Variants in CLNK observed in about 807,000 individuals in gnomAD.
CLNK encodes cytokine dependent hematopoietic cell linker, also known as cytokine-dependent hematopoietic cell linker.
In CLNK, 74 loss-of-function variants were observed where a neutral mutation model predicts 68.6. That is an observed-to-expected ratio of 1.08 (90% CI 0.89 to 1.31). The LOEUF (loss-of-function observed/expected upper bound fraction) is 1.31, where lower values mean the gene tolerates loss of function less well. CLNK is among the 50% of genes most tolerant of loss of function. The pLI is 0.00. For synonymous variants in CLNK, 198 were observed against 172.2 expected, an observed-to-expected ratio of 1.15 and a Z score of -1.17; for missense variants, 553 against 515.3, an observed-to-expected ratio of 1.07 and a Z score of -0.71.
At chr4:10,527,225 A>G (rs552952945) in intron 13 of CLNK, among the ~76,000 whole-genome samples, 1 of 152,294 alleles carries the variant, frequency 6.6e-6, no homozygotes, top group Admixed American at 6.5e-5. Context: ...GTTGAGCTGT[A>G]TTGTCGGAAA....
the CLNK span, among the ~76,000 whole-genome samples, chr4:10,723,919 A>AGAGAGAGAGAGAGACAGAGAGAGAGAG: frequency 6.8e-6 from 1 of 148,032 alleles, no homozygotes; most frequent in Non-Finnish European, 1.5e-5. Context: ...AGAGAGAGAG[A>AGAGAGAGAGAGAGACAGAGAGAGAGAG]AGGCAGGGCA....
chr4:10,527,109 G>C (rs116754529), intron 13 of CLNK, among the ~76,000 whole-genome samples: 1 of 152,158 alleles, frequency 6.6e-6, no homozygotes, highest in African/African-American at 2.4e-5. Flanking sequence ...CATCAATAGC[G>C]ACCCAGAGTA....
the CLNK span, among the ~76,000 whole-genome samples, chr4:10,728,628 G>C: frequency 7.2e-6 from 1 of 139,392 alleles, no homozygotes; most frequent in South Asian, 2.2e-4. Context: ...TTTTGAAACG[G>C]AGTCTCCATC....
At chr4:10,613,764 C>T (rs1247662049) in intron 2 of CLNK, among the ~76,000 whole-genome samples, 1 of 152,152 alleles carries the variant, frequency 6.6e-6, no homozygotes, top group Admixed American at 6.5e-5. Context: ...TGAGACTTCA[C>T]CCACAGAATT....
chr4:10,717,982 T>A, the CLNK span, among the ~76,000 whole-genome samples: 1 of 151,562 alleles, frequency 6.6e-6, no homozygotes, highest in Non-Finnish European at 1.5e-5. Context: ...AAAATAAGAG[T>A]CTTAGCAAAA....
chr4:10,707,798 T>G, the CLNK span, among the ~76,000 whole-genome samples: 1 of 152,194 alleles, frequency 6.6e-6, no homozygotes, highest in Non-Finnish European at 1.5e-5. Context: ...ATTCATTTCT[T>G]TATTCATTCA....
chr4:10,706,840 AC>A, the CLNK span, among the ~76,000 whole-genome samples: 3 of 152,072 alleles, frequency 2.0e-5, no homozygotes, highest in Admixed American at 6.5e-5. Context: ...TGAAAGGACC[AC>A]CCTCTTGGCC....
At chr4:10,645,845 C>T (rs373253534) in intron 2 of CLNK, among the ~76,000 whole-genome samples, 3 of 152,078 alleles carry the variant, frequency 2.0e-5, no homozygotes, top group African/African-American at 7.2e-5. Flanking sequence ...TTTTAATGCT[C>T]CCTACACAAA....
At chr4:10,703,130 TG>T in the CLNK span, among the ~76,000 whole-genome samples, 475 of 152,214 alleles carry the variant, frequency 3.1e-3, 1 homozygote, top group African/African-American at 0.011. Context: ...AGAGTAGGCA[TG>T]GGGGGCTTTG....
chr4:10,573,359 G>C (rs555893328), intron 4 of CLNK, among the ~76,000 whole-genome samples: 18 of 152,198 alleles, frequency 1.2e-4, no homozygotes, highest in African/African-American at 4.3e-4. Flanking sequence ...TAATGAGCTG[G>C]GAGGAACAGA....
chr4:10,525,345 G>A (rs1050037047), intron 14 of CLNK, among the ~76,000 whole-genome samples: 6 of 152,316 alleles, frequency 3.9e-5, no homozygotes, highest in Admixed American at 6.5e-5. Context: ...GATTACAGGC[G>A]TGAGCCACCG....
At chr4:10,693,673 G>A in the CLNK span, among the ~76,000 whole-genome samples, 1 of 152,186 alleles carries the variant, frequency 6.6e-6, no homozygotes, top group African/African-American at 2.4e-5. Context: ...GCAGCCCTAA[G>A]TGCCTGATAC....
chr4:10,713,978 G>T, the CLNK span, among the ~76,000 whole-genome samples: 1 of 152,204 alleles, frequency 6.6e-6, no homozygotes, highest in African/African-American at 2.4e-5. Flanking sequence ...CTGGGCAGCA[G>T]CTCGAAACAT....
chr4:10,719,244 G>T, the CLNK span, among the ~76,000 whole-genome samples: 2 of 152,080 alleles, frequency 1.3e-5, no homozygotes, highest in Non-Finnish European at 2.9e-5. Flanking sequence ...CTAATTAAAA[G>T]ACAGATATTA....
intron 7 of CLNK, among the ~76,000 whole-genome samples, chr4:10,559,663 C>T (rs1362822374): frequency 6.6e-6 from 1 of 152,116 alleles, no homozygotes; most frequent in East Asian, 1.9e-4. Flanking sequence ...TAGGATGGGG[C>T]TCCAAGTAGT....
At chr4:10,671,740 T>G (rs998111078) in intron 1 of CLNK, among the ~76,000 whole-genome samples, 3 of 152,094 alleles carry the variant, frequency 2.0e-5, no homozygotes, top group Non-Finnish European at 4.4e-5. Context: ...CTCAGTAACC[T>G]CATAGGGTCT....
At chr4:10,542,560 A>T (rs1199499751) in intron 8 of CLNK, among the ~76,000 whole-genome samples, 2 of 151,898 alleles carry the variant, frequency 1.3e-5, no homozygotes, top group East Asian at 3.9e-4. Context: ...TACAATGAAG[A>T]TTTCATTGCA....
intron 2 of CLNK, among the ~76,000 whole-genome samples, chr4:10,617,209 A>G (rs1472451464): frequency 6.6e-6 from 1 of 152,162 alleles, no homozygotes; most frequent in Non-Finnish European, 1.5e-5. Context: ...ATGCATACAT[A>G]TATAAATTAA....
At chr4:10,619,845 T>G (rs1031857456) in intron 2 of CLNK, among the ~76,000 whole-genome samples, 2 of 151,996 alleles carry the variant, frequency 1.3e-5, no homozygotes, top group African/African-American at 4.8e-5. Context: ...CTAAGGAGGG[T>G]AAAAACTCTA....
Sources: gnomAD v4.1 joint callset for allele counts (sites outside exome capture counted in the v4.1 genomes callset) on GRCh38, gnomAD v4.1.1 for gene constraint, MANE v1.5 for transcripts, NCBI Gene and HGNC (gene_info 2026-07-23, HGNC 2026-07-21) for gene names.